The following CD83 variants were observed in gnomAD, a reference collection of about 807,000 sequenced individuals.
CD83 encodes CD83 antigen.
A neutral mutation model predicts 24.6 loss-of-function variants in CD83; 22 were observed. The observed-to-expected ratio is 0.90, with a 90% CI of 0.64 to 1.28. The LOEUF (loss-of-function observed/expected upper bound fraction) is 1.28, where lower values mean the gene tolerates loss of function less well. CD83 is among the 50% of genes most tolerant of loss of function. The probability of loss-of-function intolerance (pLI) is 0.00; values close to 1 mark genes in which losing one functional copy is unlikely to be tolerated. For missense variants in CD83, 253 were observed against 252.8 expected (o/e 1.00, Z -0.01); for synonymous variants, 101 against 103.5 (o/e 0.98, Z 0.14).
In CD83 at chr6:14,133,791, A is replaced by G. The variant is rs776776232; in HGVS notation, c.489+36A>G. The stretch of plus-strand genomic sequence containing the variant: ...TCTTAAAACATCTTCTCTTATTAAA[A>G]GATTACCCAGGGCACCAATCCAAGT... On this transcript the variant is annotated intron_variant, in intron 4 of 4. Coordinates refer to ENST00000379153, the MANE Select transcript of CD83 (RefSeq NM_004233.4). 4.4e-6 allele frequency: 6 copies of G among 1,349,270 alleles called. No individual in the cohort carries two copies. The South Asian group carries it at 7.0e-5, about 16-fold the overall frequency. 83.6% of individuals were successfully genotyped at this position (1,349,270 alleles called of 1,614,324 possible).
Position 14,133,634 on chromosome 6 carries a change from CT to C in CD83, c.383-13del. 1 of 1,544,626 alleles carries C rather than the reference CT, an allele frequency of 6.5e-7. No individual in the cohort carries two copies. ...CCTGTTAAAATGGCTTCACATGTCGCTTACTTTTTTAAAGGATGCCCTGCAC... is the reference window on the plus strand; with the variant it reads ...CCTGTTAAAATGGCTTCACATGTCGCTACTTTTTTAAAGGATGCCCTGCAC... On this transcript the variant is annotated splice_polypyrimidine_tract_variant and intron_variant, in intron 3 of 4. Coordinates refer to ENST00000379153, the MANE Select transcript of CD83 (RefSeq NM_004233.4).
At chr6:14,118,456 T>G (rs1158176178) in intron 2 of CD83, among the ~76,000 whole-genome samples, 1 of 152,166 alleles carries the variant, frequency 6.6e-6, no homozygotes, top group Non-Finnish European at 1.5e-5. Context: ...GGGGAATGTC[T>G]CCAGACTTCT....
At chr6:14,130,299 G>A (rs771398697) in intron 2 of CD83, among the ~76,000 whole-genome samples, 2 of 152,216 alleles carry the variant, frequency 1.3e-5, no homozygotes, top group Non-Finnish European at 2.9e-5. Flanking sequence ...CAATGGAGGA[G>A]CAACTTAGCA....
intron 2 of CD83, among the ~76,000 whole-genome samples, chr6:14,122,174 A>G (rs1008381522): frequency 1.3e-5 from 2 of 152,186 alleles, no homozygotes; most frequent in Non-Finnish European, 2.9e-5. Context: ...TATAATATTG[A>G]GAAGAGCCCC....
chr6:14,117,474 G>A (rs1396162781), upstream of CD83, among the ~76,000 whole-genome samples: 1 of 151,576 alleles, frequency 6.6e-6, no homozygotes, highest in Non-Finnish European at 1.5e-5. This position sits in a 1 kb window ranked among gnomAD's most constrained non-coding sequence, Gnocchi z 4.6. Context: ...CCCAGCGCTG[G>A]GCGTCACGCG....
Position 14,129,833 on chromosome 6 carries a change from C to CTGTGTG in CD83, c.154-1661_154-1656dup, listed in dbSNP as rs58361945. On this transcript the variant is annotated intron_variant, in intron 2 of 4. Coordinates refer to ENST00000379153, the MANE Select transcript of CD83 (RefSeq NM_004233.4). The surrounding 1 kb of genome is among the most constrained non-coding windows in gnomAD (Gnocchi z 4.3). ...GAATTAATAAATGAAGCAGAAATGA[C>CTGTGTG]TGTGTGTGTGTGTGTGTGTGTGTGT... Among the ~76,000 whole-genome samples the CTGTGTG allele has an allele frequency of 2.3e-3, 343 of 147,798 alleles. 3 individuals are homozygous for CTGTGTG. Among genetic ancestry groups the CTGTGTG allele is most frequent in the Admixed American group, 6.7e-3 (100 of 14,840 alleles).
chr6:14,118,085 C>G lies in CD83; in HGVS notation c.153+20C>G. On this transcript the variant is annotated intron_variant, in intron 2 of 4. Transcript: ENST00000379153. ...GTCAAGGTAGGTGCTGCGATACCCA[C>G]GGGCTGGGGTTTGGTGGGCTCATTT... 6.4e-7 allele frequency: 1 copy of G among 1,557,836 alleles called. No homozygotes were observed. The highest frequency in any genetic ancestry group is 8.8e-7 in the Non-Finnish European group (1 of 1,142,262).
chr6:14,126,917 G>A (rs1053977839), intron 2 of CD83, among the ~76,000 whole-genome samples: 4 of 151,722 alleles, frequency 2.6e-5, no homozygotes, highest in Non-Finnish European at 5.9e-5. Flanking sequence ...CAAATTATTA[G>A]ATGAAATTTT....
chr6:14,130,889 C>T (rs1757879541), intron 2 of CD83, among the ~76,000 whole-genome samples: 1 of 152,166 alleles, frequency 6.6e-6, no homozygotes, highest in Non-Finnish European at 1.5e-5. Flanking sequence ...CACATACACT[C>T]TCTATAAAGC....
At position 14,118,081 on chromosome 6, in the gene CD83, C is replaced by G. The variant is rs551026480; in HGVS notation, c.153+16C>G. ...CTGGGTCAAGGTAGGTGCTGCGATA[C>G]CCACGGGCTGGGGTTTGGTGGGCTC... On this transcript the variant is annotated intron_variant, in intron 2 of 4. Coordinates refer to ENST00000379153, the MANE Select transcript of CD83 (RefSeq NM_004233.4). 1 of 1,570,974 alleles carries G rather than the reference C, an allele frequency of 6.4e-7. No individual in the cohort carries two copies. Among genetic ancestry groups the G allele is most frequent in the African/African-American group, 1.4e-5 (1 of 73,994 alleles).
chr6:14,126,644 GA>G (rs1035739532), intron 2 of CD83, among the ~76,000 whole-genome samples: 3 of 152,080 alleles, frequency 2.0e-5, no homozygotes, highest in Non-Finnish European at 4.4e-5. Flanking sequence ...ACTACGCATA[GA>G]AAAAAAGATA....
intron 2 of CD83, among the ~76,000 whole-genome samples, chr6:14,125,484 GTGTTTCTC>G (rs1759782554): frequency 6.6e-6 from 1 of 152,186 alleles, no homozygotes; most frequent in Non-Finnish European, 1.5e-5. Context: ...GGAGAAGGTT[GTGTTTCTC>G]TTCAAATATC....
chr6:14,127,256 C>T (rs2064972), intron 2 of CD83, among the ~76,000 whole-genome samples: 31,135 of 152,106 alleles, frequency 0.2, 3,361 homozygotes, highest in Admixed American at 0.25. Flanking sequence ...TCCCAAAGTG[C>T]TGGGATTACA....
chr6:14,117,464 C>A (rs1280883409), upstream of CD83, among the ~76,000 whole-genome samples: 1 of 151,802 alleles, frequency 6.6e-6, no homozygotes, highest in Non-Finnish European at 1.5e-5. The surrounding 1 kb of genome is among the most constrained non-coding windows in gnomAD (Gnocchi z 4.6). Flanking sequence ...CTGCAAAGCC[C>A]CCAGCGCTGG....
intron 4 of CD83, among the ~76,000 whole-genome samples, chr6:14,134,858 A>G (rs921857973): frequency 2.6e-5 from 4 of 152,236 alleles, no homozygotes; most frequent in African/African-American, 9.6e-5. Context: ...TTCTGTGGGC[A>G]TTGACTTTCC....
chr6:14,121,452 C>T (rs1385001794), intron 2 of CD83, among the ~76,000 whole-genome samples: 3 of 151,540 alleles, frequency 2.0e-5, no homozygotes, highest in African/African-American at 7.3e-5. Context: ...GCTAGGATTA[C>T]AGGCATGAGC....
intron 4 of CD83, among the ~76,000 whole-genome samples, chr6:14,134,333 A>G (rs946341588): frequency 6.6e-6 from 1 of 152,248 alleles, no homozygotes; most frequent in Non-Finnish European, 1.5e-5. Context: ...CACCCTAGAC[A>G]TGCCCATGAG....
intron 2 of CD83, among the ~76,000 whole-genome samples, chr6:14,128,301 C>T (rs16874694): frequency 1.3e-5 from 2 of 152,178 alleles, no homozygotes; most frequent in Non-Finnish European, 2.9e-5. Flanking sequence ...TGAGCTTTTG[C>T]ATACGGTCCC....
intron 2 of CD83, among the ~76,000 whole-genome samples, chr6:14,119,970 G>A (rs571455563): frequency 6.6e-6 from 1 of 152,324 alleles, no homozygotes; most frequent in African/African-American, 2.4e-5. Flanking sequence ...AGCTGGTGAC[G>A]TAACTCGGTA....
Sources: allele counts gnomAD v4.1 joint callset (sites outside exome capture counted in the v4.1 genomes callset), GRCh38; gene constraint gnomAD v4.1.1; non-coding constraint Gnocchi (gnomAD v3.1); transcripts MANE v1.5; gene names NCBI Gene and HGNC (gene_info 2026-07-23, HGNC 2026-07-21).